The following ZSWIM6 variants were observed in gnomAD, a reference collection of about 807,000 sequenced individuals.
The protein encoded by ZSWIM6 is zinc finger SWIM domain-containing protein 6.
ZSWIM6 carries 9 observed loss-of-function variants against 113.2 expected under a neutral mutation model. That is an observed-to-expected ratio of 0.08 (90% confidence interval 0.05 to 0.14). The LOEUF (loss-of-function observed/expected upper bound fraction) is 0.14, where lower values mean the gene tolerates loss of function less well. Among genes scored for constraint, ZSWIM6 ranks in the 10% least tolerant of loss-of-function variants. The pLI is 1.00. For missense variants in ZSWIM6, 1,162 were observed against 1,552.2 expected (o/e 0.75, Z 4.22); for synonymous variants, 611 against 606.5 (o/e 1.01, Z -0.11).
intron 10 of ZSWIM6, among the ~76,000 whole-genome samples, chr5:61,536,461 G>A (rs899738463): frequency 5.9e-5 from 9 of 152,140 alleles, no homozygotes; most frequent in African/African-American, 2.2e-4. Context: ...ACACTCCTGT[G>A]CTTCTAATGG....
intron 1 of ZSWIM6, among the ~76,000 whole-genome samples, chr5:61,349,410 G>C (rs1744737280): frequency 6.6e-6 from 1 of 152,116 alleles, no homozygotes; most frequent in African/African-American, 2.4e-5. Flanking sequence ...GTGGGTGTCT[G>C]CATGAAATTC....
intron 1 of ZSWIM6, among the ~76,000 whole-genome samples, chr5:61,435,319 G>A (rs1436607206): frequency 6.6e-6 from 1 of 152,176 alleles, no homozygotes; most frequent in African/African-American, 2.4e-5. Context: ...GACCACAGCT[G>A]CTAAAGAAAT....
chr5:61,525,335 A>T (rs1009165251), intron 5 of ZSWIM6, among the ~76,000 whole-genome samples: 1 of 152,214 alleles, frequency 6.6e-6, no homozygotes, highest in Non-Finnish European at 1.5e-5. Flanking sequence ...CCTTATGCAT[A>T]TCTTTAAAGG....
intron 9 of ZSWIM6, 80 bp from the exon 10 acceptor site, chr5:61,535,404 T>A: frequency 6.8e-7 from 1 of 1,471,160 alleles, no homozygotes; most frequent in East Asian, 2.5e-5. Context: ...TAACTTTATG[T>A]GACATTTTAA....
At chr5:61,498,806 G>A (rs1434601431) in intron 4 of ZSWIM6, among the ~76,000 whole-genome samples, 1 of 152,098 alleles carries the variant, frequency 6.6e-6, no homozygotes, top group Non-Finnish European at 1.5e-5. Flanking sequence ...ATACTTTTAA[G>A]TAATTTAGGA....
At chr5:61,512,586 C>T (rs145406630) in intron 4 of ZSWIM6, among the ~76,000 whole-genome samples, 18 of 152,220 alleles carry the variant, frequency 1.2e-4, no homozygotes, top group Non-Finnish European at 2.1e-4. Context: ...CTTCAAACAG[C>T]AATTTATGAG....
chr5:61,424,873 G>A (rs12187112), intron 1 of ZSWIM6, among the ~76,000 whole-genome samples: 53,708 of 151,382 alleles, frequency 0.35, 9,668 homozygotes, highest in African/African-American at 0.41. Context: ...GATTACAGGC[G>A]CCCGCCACCA....
intron 13 of ZSWIM6, among the ~76,000 whole-genome samples, chr5:61,542,494 T>G (rs1304318196): frequency 6.6e-6 from 1 of 152,200 alleles, no homozygotes; most frequent in African/African-American, 2.4e-5. Context: ...CCAGCAAGAA[T>G]GCCAACAGAA....
At chr5:61,352,337 A>G (rs1480330828) in intron 1 of ZSWIM6, among the ~76,000 whole-genome samples, 1 of 152,236 alleles carries the variant, frequency 6.6e-6, no homozygotes, top group African/African-American at 2.4e-5. Flanking sequence ...GAAACTGTAA[A>G]TATGTGTGTG....
chr5:61,418,832 A>G (rs1318589932), intron 1 of ZSWIM6, among the ~76,000 whole-genome samples: 4 of 151,808 alleles, frequency 2.6e-5, no homozygotes, highest in Non-Finnish European at 4.4e-5. Flanking sequence ...ACTTACTATT[A>G]TTTTTTTGAG....
intron 4 of ZSWIM6, among the ~76,000 whole-genome samples, chr5:61,496,005 A>G (rs1004218215): frequency 1.3e-5 from 2 of 152,178 alleles, no homozygotes; most frequent in Admixed American, 6.6e-5. Context: ...TGGTACATAC[A>G]GTCAAATAAA....
intron 1 of ZSWIM6, among the ~76,000 whole-genome samples, chr5:61,349,346 A>G (rs924614652): frequency 6.6e-6 from 1 of 152,240 alleles, no homozygotes; most frequent in East Asian, 1.9e-4. Flanking sequence ...TATGCATAGT[A>G]GACATTGAAA....
chr5:61,445,954 A>G (rs1746943919), intron 1 of ZSWIM6, among the ~76,000 whole-genome samples: 2 of 152,236 alleles, frequency 1.3e-5, no homozygotes, highest in Non-Finnish European at 2.9e-5. Context: ...CAATTAAGGC[A>G]TTGACTTAAG....
At chr5:61,397,128 A>G (rs1165795417) in intron 1 of ZSWIM6, among the ~76,000 whole-genome samples, 1 of 152,250 alleles carries the variant, frequency 6.6e-6, no homozygotes, top group East Asian at 1.9e-4. Context: ...GTATGAAATA[A>G]CCAGGTTTTT....
At chr5:61,491,081 T>A in intron 3 of ZSWIM6, 147 bp downstream of exon 3, 1 of 706,822 alleles carries the variant, frequency 1.4e-6, no homozygotes, top group Non-Finnish European at 2.0e-6. Context: ...TGTATTGTAA[T>A]GCAAGCTATT....
rs367920004 is a variant in ZSWIM6 at position 61,449,457 on chromosome 5, T to A, written c.677-23224T>A. Among the ~76,000 whole-genome samples, 274 of 152,312 alleles carry A rather than the reference T, an allele frequency of 1.8e-3. 1 individual carries two copies. The highest frequency in any genetic ancestry group is 6.1e-3 in the African/African-American group (253 of 41,578). The stretch of plus-strand genomic sequence containing the variant: ...GTTGCCCAGGCTGTCCTTGAACTCC[T>A]TGGCTCAAGCAGTCTTCCTGCCTCA... On this transcript the variant is annotated intron_variant, in intron 1 of 13. Transcript: ENST00000252744.
intron 1 of ZSWIM6, among the ~76,000 whole-genome samples, chr5:61,444,845 G>A (rs1462187017): frequency 1.1e-4 from 17 of 152,186 alleles, no homozygotes; most frequent in Non-Finnish European, 5.9e-5. Context: ...CATGAGAGCA[G>A]TACTTTTTGT....
intron 1 of ZSWIM6, among the ~76,000 whole-genome samples, chr5:61,446,686 G>C (rs918667032): frequency 6.6e-6 from 1 of 152,090 alleles, no homozygotes; most frequent in Non-Finnish European, 1.5e-5. Flanking sequence ...TTTAAAGCCA[G>C]TTCATTTATT....
In ZSWIM6 at chr5:61,453,862, T is replaced by TG. The variant is rs140039282; in HGVS notation, c.677-18810dup. On this transcript the variant is annotated intron_variant, in intron 1 of 13. Coordinates refer to ENST00000252744, the MANE Select transcript of ZSWIM6 (RefSeq NM_020928.2). ...ATCACCACAGTTATTAATAAAATAT[T>TG]GGGGGGGGGAAGATACTTTGAGGCT... Among the ~76,000 whole-genome samples the TG allele has an allele frequency of 9.2e-3, 1,383 of 151,106 alleles. 13 individuals are homozygous for TG. Among genetic ancestry groups the TG allele is most frequent in the Admixed American group, 0.03 (450 of 15,128 alleles).
Sources: gnomAD v4.1 joint callset for allele counts (sites outside exome capture counted in the v4.1 genomes callset) on GRCh38, gnomAD v4.1.1 for gene constraint, MANE v1.5 for transcripts, NCBI Gene and HGNC (gene_info 2026-07-23, HGNC 2026-07-21) for gene names.